The following ZNF311 variants were observed in gnomAD, a reference collection of about 807,000 sequenced individuals.
ZNF311 encodes zinc finger protein zfp31.
In ZNF311, 14 loss-of-function variants were observed where a neutral mutation model predicts 22.7. The ratio of observed to expected loss-of-function variants is 0.62; its 90% CI spans 0.41 to 0.96. ZNF311 has a LOEUF of 0.96. ZNF311 is among the 40% of genes least tolerant of loss of function. The pLI is 0.00. For missense variants in ZNF311, 731 were observed against 799.0 expected (o/e 0.91, Z 1.03); for synonymous variants, 250 against 275.3 (o/e 0.91, Z 0.91).
At chr6:28,999,733 G>A in intron 4 of ZNF311, 120 bp from the exon 5 acceptor site, 1 of 1,414,406 alleles carries the variant, frequency 7.1e-7, no homozygotes, top group South Asian at 1.5e-5. Context: ...TTCCCTTTTG[G>A]TGGGTATGTA....
Position 28,995,355 on chromosome 6 carries a change from G to C in ZNF311, c.1647C>G (p.His549Gln). The C allele has an allele frequency of 1.2e-6, 2 of 1,614,066 alleles. No homozygotes were observed. The highest frequency in any genetic ancestry group is 1.7e-6 in the Non-Finnish European group (2 of 1,180,040). The change falls in exon 7 of 7, where the codon CAC becomes CAG. Residue 549 changes from histidine (H) to glutamine (Q), a missense_variant. His to Gln is a conservative substitution (Grantham distance 24). Transcript: ENST00000377179. The surrounding 1 kb of genome is among the most constrained non-coding windows in gnomAD (Gnocchi z 4.7). The part of the protein sequence containing the change: ...KSNLTNHRRI[H>Q]TGEKPHKCEV... Reference sequence around the variant, plus strand: ...CACATTTGTGAGGCTTCTCTCCAGTGTGAATTCTTCGATGATTGGTCAAGT... The same window carrying C: ...CACATTTGTGAGGCTTCTCTCCAGTCTGAATTCTTCGATGATTGGTCAAGT...
Position 28,996,231 on chromosome 6 carries a change from A to C in ZNF311, c.771T>G (p.Ser257Arg). 6.2e-7 allele frequency: 1 copy of C among 1,613,328 alleles called. No homozygotes were observed. Among genetic ancestry groups the C allele is most frequent in the Non-Finnish European group, 8.5e-7 (1 of 1,180,042 alleles). ...CATGGAGAATTAGATCTGAGTGCCA[A>C]CTGAAGTTTTTGCCACACCTGGCAC... ...HECARCGKNF[S>R]WHSDLILHEQ... The change falls in exon 7 of 7, where the codon AGT becomes AGG. Residue 257 changes from serine (S) to arginine (R), a missense_variant. Physicochemically the swap from Ser to Arg is moderately radical, Grantham distance 110. Transcript: ENST00000377179.
chr6:28,996,503 T>G lies in ZNF311; in HGVS notation c.499A>C (p.Lys167Gln). 6.2e-7 allele frequency: 1 copy of G among 1,607,442 alleles called. No homozygotes were observed. The highest frequency in any genetic ancestry group is 8.5e-7 in the Non-Finnish European group (1 of 1,179,982). ...IFENGEAYWM[K>Q]FNSLLKVDSR... ...TCAACTTTTAGGAGACTGTTAAATT[T>G]CATCCAGTAGGCTTCTCCATTTTCA... is the stretch of plus-strand genomic sequence containing the variant. Residue 167 changes from lysine (K) to glutamine (Q), a missense_variant, in exon 7 of 7, where the codon AAA becomes CAA. Physicochemically the swap from Lys to Gln is moderately conservative, Grantham distance 53. Coordinates refer to ENST00000377179, the MANE Select transcript of ZNF311 (RefSeq NM_001382360.1).
intron 1 of ZNF311, among the ~76,000 whole-genome samples, chr6:29,004,657 C>T (rs2150737642): frequency 6.6e-6 from 1 of 152,164 alleles, no homozygotes; most frequent in South Asian, 2.1e-4. Context: ...AAGTCCTTAC[C>T]GAGGTATACA....
intron 3 of ZNF311, among the ~76,000 whole-genome samples, chr6:29,001,809 G>T (rs1406259510): frequency 1.3e-5 from 2 of 151,552 alleles, no homozygotes. Context: ...TTTATTTTTT[G>T]AATCATTTCA....
chr6:28,997,041 GC>G (rs1232219569), intron 6 of ZNF311, among the ~76,000 whole-genome samples: 1 of 152,210 alleles, frequency 6.6e-6, no homozygotes, highest in African/African-American at 2.4e-5. Context: ...ATGTGACTCA[GC>G]CCATCTGGTT....
At position 28,999,569 on chromosome 6, in the gene ZNF311, C is replaced by G. The variant is rs767504614; in HGVS notation, c.228G>C (p.Arg76Ser). Residue 76 changes from arginine to serine, a missense_variant, in exon 5 of 7, where the codon AGG becomes AGC. Transcript: ENST00000377179. Reference sequence around the variant, plus strand: ...GAGCGTAGGTCAGACACTGCCACTCCCTGTTAGTGAAGTTCACAGCTACAT... The same window carrying G: ...GAGCGTAGGTCAGACACTGCCACTCGCTGTTAGTGAAGTTCACAGCTACAT... ...FEDVAVNFTN[R>S]EWQCLTYAQR... The G allele has an allele frequency of 2.0e-5, 33 of 1,613,466 alleles. No individual in the cohort carries two copies. Among genetic ancestry groups the G allele is most frequent in the Non-Finnish European group, 2.7e-5 (32 of 1,179,962 alleles).
At chr6:29,000,784 T>G (rs1392147631) in intron 3 of ZNF311, among the ~76,000 whole-genome samples, 1 of 151,848 alleles carries the variant, frequency 6.6e-6, no homozygotes, top group African/African-American at 2.4e-5. Flanking sequence ...GTTTCTTTTT[T>G]TTTTTTTGAG....
At chr6:28,998,670 A>C in intron 6 of ZNF311, 64 bp downstream of exon 6, 1 of 1,181,366 alleles carries the variant, frequency 8.5e-7, no homozygotes, top group Non-Finnish European at 1.2e-6. Context: ...ACCACTGAGA[A>C]TGTTCCATAA....
chr6:28,999,867 T>C (rs2150695424), intron 4 of ZNF311, 89 bp downstream of exon 4: 3 of 1,402,042 alleles, frequency 2.1e-6, no homozygotes, highest in Non-Finnish European at 2.0e-6. Context: ...GATTTAGGAG[T>C]TGCACAGCCA....
Position 28,995,518 on chromosome 6 carries a change from C to G in ZNF311, c.1484G>C (p.Gly495Ala). The G allele has an allele frequency of 6.2e-7, 1 of 1,613,858 alleles. No individual in the cohort carries two copies. Residue 495 changes from glycine to alanine, a missense_variant, in exon 7 of 7, where the codon GGG becomes GCG. Transcript: ENST00000377179. This position sits in a 1 kb window ranked among gnomAD's most constrained non-coding sequence, Gnocchi z 4.7. ...ATCCCTGCATTGATAGGGCTTCTCC[C>G]CTGTATGCTCTCGTTCATGAGCCCT... ...KRRAHEREHT[G>A]EKPYQCRDCG...
intron 6 of ZNF311, among the ~76,000 whole-genome samples, chr6:28,998,205 G>GT (rs1416661299): frequency 7.0e-6 from 1 of 142,220 alleles, no homozygotes; most frequent in Non-Finnish European, 1.5e-5. Flanking sequence ...GTCTCACTGT[G>GT]TCCCCCGGGT....
upstream of ZNF311, chr6:29,005,342 C>G (rs912288573): frequency 1.9e-4 from 29 of 148,966 alleles, no homozygotes; most frequent in African/African-American, 6.9e-4. Flanking sequence ...AAATGGGTCA[C>G]GAGCCCCTGG....
chr6:29,003,858 C>G, intron 2 of ZNF311, 88 bp downstream of exon 2: 1 of 1,612,078 alleles, frequency 6.2e-7, no homozygotes, highest in East Asian at 2.2e-5. Flanking sequence ...GAGTCAGACA[C>G]ACCTCCACTC....
chr6:28,996,100 T>C lies in ZNF311; in HGVS notation c.902A>G (p.Lys301Arg). 3 of 1,613,334 alleles carry C rather than the reference T, an allele frequency of 1.9e-6. No individual in the cohort carries two copies. Among genetic ancestry groups the C allele is most frequent in the South Asian group, 1.1e-5 (1 of 91,084 alleles). Residue 301 changes from lysine (K) to arginine (R), a missense_variant, in exon 7 of 7, where the codon AAA (lysine) becomes AGA (arginine). By Grantham distance (26) the Lys-to-Arg change is conservative (BLOSUM62 2). Transcript: ENST00000377179. ...CCCACACTGGGTGCAATTAAAAGGT[T>C]TCTCCCCTGTGTGGATTATCCGGTG... Reference protein sequence around the residue: ...SMHRIIHTGEKPFNCTQCGKA... With the variant: ...SMHRIIHTGERPFNCTQCGKA...
upstream of ZNF311, among the ~76,000 whole-genome samples, chr6:29,005,578 G>A (rs1562358794): frequency 6.6e-6 from 1 of 152,072 alleles, no homozygotes; most frequent in Non-Finnish European, 1.5e-5. Context: ...CTTCCCGCCG[G>A]TACTCTCCCC....
intron 3 of ZNF311, among the ~76,000 whole-genome samples, chr6:29,001,913 G>T (rs1443429270): frequency 6.6e-6 from 1 of 151,932 alleles, no homozygotes; most frequent in Non-Finnish European, 1.5e-5. Context: ...CTTCTTTTTC[G>T]AGGTAAAATT....
intron 6 of ZNF311, among the ~76,000 whole-genome samples, chr6:28,997,245 G>T (rs375571836): frequency 6.6e-6 from 1 of 152,126 alleles, no homozygotes; most frequent in Non-Finnish European, 1.5e-5. Flanking sequence ...CATCTGGTCC[G>T]AGAAGAAGAG....
Position 28,998,819 on chromosome 6 carries a change from AG to A in ZNF311, c.329del (p.Pro110LeufsTer3). The part of the protein sequence containing the change: ...MVSLGFPFPK[P>X]PLISHLEREV... ...CTCGCTCCAGATGAGAGATTAAAGG[AG>A]GTTTAGGAAATGGAAATCCTGGTTG... On this transcript the variant is annotated frameshift_variant, in exon 6 of 7. Transcript: ENST00000377179. LOFTEE classifies it high-confidence loss of function. 1.9e-6 allele frequency: 3 copies of A among 1,612,884 alleles called. No homozygotes were observed. The South Asian group carries it at 3.3e-5, about 18-fold the overall frequency.
Sources: gnomAD v4.1 joint callset for allele counts (sites outside exome capture counted in the v4.1 genomes callset) on GRCh38, gnomAD v4.1.1 for gene constraint, Gnocchi (gnomAD v3.1) non-coding constraint, MANE v1.5 for transcripts, NCBI Gene and HGNC (gene_info 2026-07-23, HGNC 2026-07-21) for gene names.